The following DNALI1 variants were observed in gnomAD, a reference collection of about 807,000 sequenced individuals.
DNALI1 encodes dynein axonemal light intermediate chain 1.
A neutral mutation model predicts 33.9 loss-of-function variants in DNALI1; 31 were observed. The observed-to-expected ratio is 0.91, with a 90% CI of 0.69 to 1.23. The LOEUF (loss-of-function observed/expected upper bound fraction) is 1.23, where lower values mean the gene tolerates loss of function less well. DNALI1 is among the 50% of genes most tolerant of loss of function. DNALI1 has a pLI of 0.00. For synonymous variants in DNALI1, 117 were observed against 129.2 expected (o/e 0.91, Z 0.64); for missense variants, 305 against 323.8 (o/e 0.94, Z 0.44).
chr1:37,560,393 T>A (rs909662767), intron 3 of DNALI1: 10 of 152,202 alleles, frequency 6.6e-5, no homozygotes, highest in Admixed American at 6.5e-4. Flanking sequence ...TGCCCCTGGT[T>A]TATCGAGAAT....
chr1:37,564,662 T>C (rs1294167778), intron 5 of DNALI1, among the ~76,000 whole-genome samples: 1 of 152,178 alleles, frequency 6.6e-6, no homozygotes, highest in African/African-American at 2.4e-5. Context: ...ATTACAGGAA[T>C]GAGCCACTGC....
intron 2 of DNALI1, among the ~76,000 whole-genome samples, chr1:37,558,354 T>A (rs150443520): frequency 6.6e-6 from 1 of 152,192 alleles, no homozygotes; most frequent in Non-Finnish European, 1.5e-5. Context: ...AGTGGCCTCC[T>A]ATCTGAAAAC....
Position 37,559,875 on chromosome 1 carries a change from G to A in DNALI1, c.397+379G>A, listed in dbSNP as rs1643416634. On this transcript the variant is annotated intron_variant, in intron 3 of 5. Transcript: ENST00000652629. This position sits in a 1 kb window ranked among gnomAD's most constrained non-coding sequence, Gnocchi z 5.3. ...ATTGATTACTATTTTCACTATCTCAGCAAGAGGAATGTGGCAGGAGAGCAG... is the reference window on the plus strand; with the variant it reads ...ATTGATTACTATTTTCACTATCTCAACAAGAGGAATGTGGCAGGAGAGCAG... 6.6e-6 allele frequency among the ~76,000 whole-genome samples: 1 copy of A among 152,220 alleles called. No homozygotes were observed. Among genetic ancestry groups the A allele is most frequent in the African/African-American group, 2.4e-5 (1 of 41,456 alleles).
At position 37,556,974 on chromosome 1, in the gene DNALI1, G is replaced by A. The variant is rs766365542; in HGVS notation, c.-21G>A. 3.1e-6 allele frequency: 5 copies of A among 1,614,118 alleles called. No individual in the cohort carries two copies. Among genetic ancestry groups the A allele is most frequent in the African/African-American group, 2.7e-5 (2 of 74,932 alleles). On this transcript the variant is annotated 5_prime_UTR_variant, in exon 1 of 6. Coordinates refer to ENST00000652629, the MANE Select transcript of DNALI1 (RefSeq NM_003462.5). ...CCACACTGGACAGGGCAGCTGCTGG[G>A]TTGCTACTCTCGCCTCCGCCATGAT...
chr1:37,561,305 C>G lies in DNALI1; in HGVS notation c.398-252C>G. 1 of 475,094 alleles carries G rather than the reference C, an allele frequency of 2.1e-6. No homozygotes were observed. The allele number at this position is 475,094 out of a possible 1,614,324, so 29.4% of individuals were successfully genotyped here. A position where few individuals can be genotyped will look rare whatever the true frequency, so the allele number is the denominator to read the frequency against. ...GTAAACAAACCAGAGCCTCTTGTCT[C>G]CTTTGCTCTGGCCAACCCAGTCTTG... On this transcript the variant is annotated intron_variant, in intron 3 of 5. Transcript: ENST00000652629. The surrounding 1 kb of genome is among the most constrained non-coding windows in gnomAD (Gnocchi z 4.6).
In DNALI1 at chr1:37,565,400, A is replaced by G; in HGVS notation, c.*339A>G. 1 of 242,004 alleles carries G rather than the reference A, an allele frequency of 4.1e-6. No homozygotes were observed. The highest frequency in any genetic ancestry group is 9.0e-5 in the East Asian group (1 of 11,082). 15.0% of individuals were successfully genotyped at this position (242,004 alleles called of 1,614,324 possible). On this transcript the variant is annotated 3_prime_UTR_variant, in exon 6 of 6. Transcript: ENST00000652629. Reference sequence around the variant, plus strand: ...GCTTTCTCATCATCACTCTATACCAATACTTATTTCTGGCCAAATGAATCT... The same window carrying G: ...GCTTTCTCATCATCACTCTATACCAGTACTTATTTCTGGCCAAATGAATCT...
intron 2 of DNALI1, among the ~76,000 whole-genome samples, chr1:37,558,529 G>A (rs575619966): frequency 1.3e-5 from 2 of 152,316 alleles, no homozygotes; most frequent in South Asian, 4.1e-4. Context: ...GGCCTACGAT[G>A]TATCCCTGAC....
chr1:37,565,504 T>A lies in DNALI1; in HGVS notation c.*443T>A, dbSNP rs11586480. Reference sequence around the variant, plus strand: ...GGCTTCTTGGGCCTCTGGCCTTCCTTACTTAATGTCTTCTTTTCCCTACTC... The same window carrying A: ...GGCTTCTTGGGCCTCTGGCCTTCCTAACTTAATGTCTTCTTTTCCCTACTC... On this transcript the variant is annotated 3_prime_UTR_variant, in exon 6 of 6. Transcript: ENST00000652629. 0.051 allele frequency: 8,262 copies of A among 161,144 alleles called. 309 individuals carry two copies. Among genetic ancestry groups the A allele is most frequent in the Non-Finnish European group, 0.077 (5,664 of 73,856 alleles). The allele number at this position is 161,144 out of a possible 1,614,324, so 10.0% of individuals were successfully genotyped here.
chr1:37,557,453 T>C, intron 1 of DNALI1, 150 bp from the exon 2 acceptor site: 1 of 1,103,472 alleles, frequency 9.1e-7, no homozygotes, highest in Admixed American at 2.4e-5. Flanking sequence ...CCTTCAGCTC[T>C]GTGACATAAT....
chr1:37,561,672 C>G lies in DNALI1; in HGVS notation c.513C>G (p.Ser171Arg). The G allele has an allele frequency of 6.2e-7, 1 of 1,614,072 alleles. No homozygotes were observed. Among genetic ancestry groups the G allele is most frequent in the Non-Finnish European group, 8.5e-7 (1 of 1,179,994 alleles). ...IAAYQTLYESSVAFGMRKALQ... is the reference protein window; with the variant it reads ...IAAYQTLYESRVAFGMRKALQ... ...CCTACCAGACCCTGTACGAGAGCAG[C>G]GTGGCGTTTGGCATGAGGAAGGCAC... Residue 171 changes from serine (S) to arginine (R), a missense_variant, in exon 4 of 6, where the codon AGC becomes AGG. Physicochemically the swap from Ser to Arg is moderately radical, Grantham distance 110 (BLOSUM62 -1). Coordinates refer to ENST00000652629, the MANE Select transcript of DNALI1 (RefSeq NM_003462.5). The surrounding 1 kb of genome is among the most constrained non-coding windows in gnomAD (Gnocchi z 4.6).
chr1:37,559,597 A>G lies in DNALI1; in HGVS notation c.397+101A>G, dbSNP rs1384915846. Reference sequence around the variant, plus strand: ...CCTGAGCACCTTGGAGCTGGAGCCCATCTCATGCTGGAATCCCCTCTTCTC... The same window carrying G: ...CCTGAGCACCTTGGAGCTGGAGCCCGTCTCATGCTGGAATCCCCTCTTCTC... On this transcript the variant is annotated intron_variant, in intron 3 of 5. Transcript: ENST00000652629. This position sits in a 1 kb window ranked among gnomAD's most constrained non-coding sequence, Gnocchi z 5.3. 7 of 1,297,692 alleles carry G rather than the reference A, an allele frequency of 5.4e-6. No individual in the cohort carries two copies. The highest frequency in any genetic ancestry group is 4.6e-5 in the African/African-American group (3 of 65,382). The allele number at this position is 1,297,692 out of a possible 1,614,324, so 80.4% of individuals were successfully genotyped here.
intron 5 of DNALI1, 36 bp from the exon 6 acceptor site, chr1:37,564,990 T>C: frequency 6.2e-7 from 1 of 1,612,664 alleles, no homozygotes; most frequent in Non-Finnish European, 8.5e-7. Flanking sequence ...AGGCTGCAAG[T>C]TTCAAGTATT....
At chr1:37,563,530 G>T (rs951457901) in intron 5 of DNALI1, among the ~76,000 whole-genome samples, 13 of 152,050 alleles carry the variant, frequency 8.5e-5, no homozygotes, top group East Asian at 3.9e-4. Context: ...TGCTCTTGTT[G>T]CCCAGGCTGG....
Position 37,562,496 on chromosome 1 carries a change from C to T in DNALI1, c.741+251C>T, listed in dbSNP as rs187342653. Reference sequence around the variant, plus strand: ...GATTCTTCTCCCTGGAAAAAAGTTGCCCATCCTCAAGGAAGAGGTGGATAT... The same window carrying T: ...GATTCTTCTCCCTGGAAAAAAGTTGTCCATCCTCAAGGAAGAGGTGGATAT... On this transcript the variant is annotated intron_variant, in intron 5 of 5. Coordinates refer to ENST00000652629, the MANE Select transcript of DNALI1 (RefSeq NM_003462.5). The surrounding 1 kb of genome is among the most constrained non-coding windows in gnomAD (Gnocchi z 5.8). Among the ~76,000 whole-genome samples, 1 of 152,178 alleles carries T rather than the reference C, an allele frequency of 6.6e-6. No individual in the cohort carries two copies. The highest frequency in any genetic ancestry group is 6.5e-5 in the Admixed American group (1 of 15,284).
intron 5 of DNALI1, among the ~76,000 whole-genome samples, chr1:37,564,171 T>G (rs887304881): frequency 1.3e-5 from 2 of 151,826 alleles, no homozygotes; most frequent in South Asian, 4.2e-4. Context: ...AGGTAGAGGT[T>G]GCAGTGAACC....
Position 37,558,389 on chromosome 1 carries a change from T to C in DNALI1, c.227+641T>C, listed in dbSNP as rs112322518. ...CACTGCTTCCACTCTGCTCCTAGAA[T>C]CTATCCTCCATACAGCCCCTAAGTC... On this transcript the variant is annotated intron_variant, in intron 2 of 5. Coordinates refer to ENST00000652629, the MANE Select transcript of DNALI1 (RefSeq NM_003462.5). 5.7e-3 allele frequency among the ~76,000 whole-genome samples: 863 copies of C among 152,292 alleles called. 11 individuals are homozygous for C. The highest frequency in any genetic ancestry group is 0.02 in the African/African-American group (825 of 41,548).
rs751079730 is a variant in DNALI1, at chr1:37,561,599, G to GGCTGCT, written c.449_454dup (p.Leu150_Leu151dup). On this transcript the variant is annotated inframe_insertion, in exon 4 of 6. Transcript: ENST00000652629. This position sits in a 1 kb window ranked among gnomAD's most constrained non-coding sequence, Gnocchi z 4.6. The stretch of plus-strand genomic sequence containing the variant: ...GTCACCATCAACTGTGCGGAGAGGG[G>GGCTGCT]GCTGCTGCTGCTGCGAGTCCGGGAC... 6.2e-7 allele frequency: 1 copy of GGCTGCT among 1,613,872 alleles called. No individual in the cohort carries two copies. The highest frequency in any genetic ancestry group is 8.5e-7 in the Non-Finnish European group (1 of 1,179,928).
intron 2 of DNALI1, among the ~76,000 whole-genome samples, chr1:37,558,349 C>A (rs373440101): frequency 2.3e-4 from 35 of 152,296 alleles, no homozygotes; most frequent in African/African-American, 7.7e-4. Context: ...GCTGCAGTGG[C>A]CTCCTATCTG....
At position 37,565,383 on chromosome 1, in the gene DNALI1, A is replaced by T; in HGVS notation, c.*322A>T. On this transcript the variant is annotated 3_prime_UTR_variant, in exon 6 of 6. Transcript: ENST00000652629. Reference sequence around the variant, plus strand: ...ATTCTAAGAAAGCCACTGCTTTCTCATCATCACTCTATACCAATACTTATT... The same window carrying T: ...ATTCTAAGAAAGCCACTGCTTTCTCTTCATCACTCTATACCAATACTTATT... The T allele has an allele frequency of 2.5e-6, 1 of 398,502 alleles. No homozygotes were observed. The highest frequency in any genetic ancestry group is 4.6e-6 in the Non-Finnish European group (1 of 217,386). 24.7% of individuals were successfully genotyped at this position (398,502 alleles called of 1,614,324 possible).
Sources: allele counts gnomAD v4.1 joint callset (sites outside exome capture counted in the v4.1 genomes callset), GRCh38; gene constraint gnomAD v4.1.1; non-coding constraint Gnocchi (gnomAD v3.1); transcripts MANE v1.5; gene names NCBI Gene and HGNC (gene_info 2026-07-23, HGNC 2026-07-21).